PKIB: variants seen among roughly 807,000 people sequenced by gnomAD.
PKIB encodes the protein PKI-beta.
A neutral mutation model predicts 4.5 loss-of-function variants in PKIB; 2 were observed. The observed-to-expected ratio is 0.44, with a 90% confidence interval of 0.18 to 1.39. PKIB has a LOEUF of 1.39. Ranked by LOEUF, PKIB falls within the 40% of genes most tolerant of loss-of-function variation. PKIB has a pLI of 0.27. For missense variants in PKIB, 94 were observed against 92.6 expected, an observed-to-expected ratio of 1.02 and a Z score of -0.06; for synonymous variants, 38 against 36.0, an observed-to-expected ratio of 1.06 and a Z score of -0.20.
intron 2 of PKIB, among the ~76,000 whole-genome samples, chr6:122,649,354 T>G (rs951042748): frequency 2.0e-5 from 3 of 152,216 alleles, no homozygotes; most frequent in African/African-American, 7.2e-5. Flanking sequence ...CCTTCAGATA[T>G]GTACTAGAAA....
chr6:122,478,304 C>G (rs1385042109), intron 2 of PKIB: 1 of 152,118 alleles, frequency 6.6e-6, no homozygotes, highest in Non-Finnish European at 1.5e-5. Context: ...TATTTTGTGG[C>G]AGAATCCAGT....
intron 2 of PKIB, among the ~76,000 whole-genome samples, chr6:122,571,778 C>A (rs1340573291): frequency 6.6e-6 from 1 of 152,124 alleles, no homozygotes; most frequent in Non-Finnish European, 1.5e-5. Flanking sequence ...CAAAATGGAA[C>A]CTCCTTAAAG....
intron 2 of PKIB, among the ~76,000 whole-genome samples, chr6:122,491,136 A>C (rs1478676938): frequency 6.6e-6 from 1 of 152,196 alleles, no homozygotes; most frequent in Admixed American, 6.5e-5. Flanking sequence ...TTGAAGGACA[A>C]GTGTGGGGTT....
intron 1 of PKIB, among the ~76,000 whole-genome samples, chr6:122,474,571 G>A (rs1775404225): frequency 6.6e-6 from 1 of 152,220 alleles, no homozygotes; most frequent in Admixed American, 6.5e-5. Context: ...GGTTATGTTT[G>A]TTGTCAAGAA....
chr6:122,494,962 T>G (rs1219009363), intron 2 of PKIB, among the ~76,000 whole-genome samples: 9 of 152,198 alleles, frequency 5.9e-5, no homozygotes, highest in Non-Finnish European at 1.2e-4. Context: ...AGGCACTGTT[T>G]AAGCCCATGT....
chr6:122,533,778 C>T (rs1777327911), intron 2 of PKIB, among the ~76,000 whole-genome samples: 1 of 152,038 alleles, frequency 6.6e-6, no homozygotes, highest in African/African-American at 2.4e-5. Flanking sequence ...ATTTTGCTTC[C>T]TTTCTCATGG....
At chr6:122,724,208 T>C (rs1349667327) in intron 4 of PKIB, among the ~76,000 whole-genome samples, 3 of 152,146 alleles carry the variant, frequency 2.0e-5, no homozygotes, top group Non-Finnish European at 4.4e-5. Context: ...TTAAAGACAG[T>C]AGTGACTTGT....
At chr6:122,497,614 CAAAG>C (rs1562229291) in intron 2 of PKIB, among the ~76,000 whole-genome samples, 2 of 152,056 alleles carry the variant, frequency 1.3e-5, no homozygotes, top group South Asian at 2.1e-4. Flanking sequence ...TAAAAAAAGA[CAAAG>C]AAGGGCACTA....
chr6:122,500,169 A>G (rs1267705347), intron 2 of PKIB, among the ~76,000 whole-genome samples: 1 of 152,222 alleles, frequency 6.6e-6, no homozygotes, highest in Non-Finnish European at 1.5e-5. Context: ...ACTATTCAGC[A>G]TAAAATCAGC....
At chr6:122,670,498 T>TTTGTTGTTGTTTTTG (rs1491541339) in intron 2 of PKIB, among the ~76,000 whole-genome samples, 1 of 151,110 alleles carries the variant, frequency 6.6e-6, no homozygotes, top group Non-Finnish European at 1.5e-5. Context: ...ATCACATGTT[T>TTTGTTGTTGTTTTTG]TTGTTGTTGT....
At chr6:122,603,528 G>A (rs963998719) in intron 3 of PKIB, among the ~76,000 whole-genome samples, 2 of 152,094 alleles carry the variant, frequency 1.3e-5, no homozygotes, top group African/African-American at 4.8e-5. Flanking sequence ...GCTTAGGCTA[G>A]AGTACAGTGG....
intron 2 of PKIB, among the ~76,000 whole-genome samples, chr6:122,556,112 A>G (rs939382183): frequency 1.3e-5 from 2 of 152,184 alleles, no homozygotes; most frequent in Non-Finnish European, 2.9e-5. Context: ...CAGTTCCTCC[A>G]TGCTCTTCTC....
chr6:122,689,623 G>C (rs752911690), intron 3 of PKIB, among the ~76,000 whole-genome samples: 19 of 152,138 alleles, frequency 1.2e-4, no homozygotes, highest in Non-Finnish European at 2.5e-4. Context: ...GAAGATGCTT[G>C]ATATTATTTC....
intron 2 of PKIB, among the ~76,000 whole-genome samples, chr6:122,585,110 C>T (rs1773813464): frequency 6.6e-6 from 1 of 152,124 alleles, no homozygotes; most frequent in South Asian, 2.1e-4. Context: ...TCTGGGCACA[C>T]TGCATATAGG....
At chr6:122,541,392 T>C (rs1777594334) in intron 2 of PKIB, among the ~76,000 whole-genome samples, 1 of 151,554 alleles carries the variant, frequency 6.6e-6, no homozygotes, top group Non-Finnish European at 1.5e-5. Context: ...TGACAAAATC[T>C]CTCAGCATTT....
intron 2 of PKIB, among the ~76,000 whole-genome samples, chr6:122,636,223 T>A (rs1775912973): frequency 6.6e-6 from 1 of 152,186 alleles, no homozygotes; most frequent in East Asian, 1.9e-4. Flanking sequence ...TCTTTAATCA[T>A]AAATACCATG....
At chr6:122,544,331 G>A (rs1300428418) in intron 2 of PKIB, among the ~76,000 whole-genome samples, 1 of 151,480 alleles carries the variant, frequency 6.6e-6, no homozygotes, top group Non-Finnish European at 1.5e-5. Flanking sequence ...TCTAAAGAAA[G>A]TGAAAAGTCA....
At chr6:122,656,583 C>A (rs576154213) in intron 2 of PKIB, among the ~76,000 whole-genome samples, 8 of 152,270 alleles carry the variant, frequency 5.3e-5, no homozygotes, top group African/African-American at 1.7e-4. Flanking sequence ...CCCTGACCCA[C>A]AGTGAGGCAG....
intron 2 of PKIB, among the ~76,000 whole-genome samples, chr6:122,648,378 G>A (rs1321387071): frequency 6.6e-6 from 1 of 152,152 alleles, no homozygotes; most frequent in African/African-American, 2.4e-5. Context: ...CACATATTGA[G>A]CACATACATA....
Sources: allele counts gnomAD v4.1 joint callset (sites outside exome capture counted in the v4.1 genomes callset), GRCh38; gene constraint gnomAD v4.1.1; transcripts MANE v1.5; gene names NCBI Gene and HGNC (gene_info 2026-07-23, HGNC 2026-07-21).